The following RPH3A variants were observed in gnomAD, a reference collection of about 807,000 sequenced individuals.
The protein encoded by RPH3A is rabphilin 3A.
In RPH3A, 48 loss-of-function variants were observed where a neutral mutation model predicts 102.2. The ratio of observed to expected loss-of-function variants is 0.47; its 90% CI spans 0.37 to 0.60. RPH3A has a LOEUF of 0.60. Among genes scored for constraint, RPH3A ranks in the 20% least tolerant of loss-of-function variants. The pLI is 0.00. For missense variants in RPH3A, 781 were observed against 910.1 expected (o/e 0.86, Z 1.83); for synonymous variants, 310 against 324.3 (o/e 0.96, Z 0.47).
intron 1 of RPH3A, among the ~76,000 whole-genome samples, chr12:112,739,677 T>G (rs572834870): frequency 2.0e-5 from 3 of 152,350 alleles, no homozygotes; most frequent in East Asian, 3.9e-4. Context: ...GTCTTGGCCT[T>G]ATTTATCTGT....
intron 1 of RPH3A, among the ~76,000 whole-genome samples, chr12:112,675,327 G>T (rs2040166904): frequency 6.6e-6 from 1 of 152,172 alleles, no homozygotes; most frequent in African/African-American, 2.4e-5. Flanking sequence ...AAGTGCTAGA[G>T]GCTGACTTGC....
chr12:112,629,141 G>T (rs953904362), intron 1 of RPH3A, among the ~76,000 whole-genome samples: 17 of 151,972 alleles, frequency 1.1e-4, no homozygotes, highest in African/African-American at 3.9e-4. Flanking sequence ...ACCAGAAAGG[G>T]ACCTGGAGAC....
At chr12:112,597,678 GC>G (rs2039527744) in intron 1 of RPH3A, among the ~76,000 whole-genome samples, 1 of 152,170 alleles carries the variant, frequency 6.6e-6, no homozygotes, top group African/African-American at 2.4e-5. Context: ...ACTTTGGGGA[GC>G]CCAGAAACTT....
At chr12:112,819,089 T>TA (rs1395671986) in intron 2 of RPH3A, among the ~76,000 whole-genome samples, 1 of 151,948 alleles carries the variant, frequency 6.6e-6, no homozygotes, top group Non-Finnish European at 1.5e-5. Context: ...ATATTTGAGA[T>TA]ATATATATGT....
rs149468273 is a variant in RPH3A, at chr12:112,653,641, C to G, written c.-140+78322C>G. Among the ~76,000 whole-genome samples, 351 of 151,826 alleles carry G rather than the reference C, an allele frequency of 2.3e-3. 1 individual carries two copies. In the South Asian group the frequency reaches 0.028, roughly 12 times the overall value. On this transcript the variant is annotated intron_variant, in intron 1 of 21. Transcript: ENST00000543106. ...TTTTACTTTATATACTTAAAAAAAC[C>G]CTTTTATTTTAGGTTCGGAGGTACA...
intron 2 of RPH3A, among the ~76,000 whole-genome samples, chr12:112,793,437 C>T (rs2041164364): frequency 6.6e-6 from 1 of 152,200 alleles, no homozygotes; most frequent in Non-Finnish European, 1.5e-5. Context: ...ATTGGCAAGC[C>T]TGAAATATAA....
intron 2 of RPH3A, among the ~76,000 whole-genome samples, chr12:112,816,709 T>TATTATC (rs1213664748): frequency 6.6e-6 from 1 of 152,122 alleles, no homozygotes; most frequent in East Asian, 1.9e-4. Context: ...TTATTATTAT[T>TATTATC]ATTAGTGTAT....
chr12:112,741,820 A>G (rs868512340), intron 1 of RPH3A, among the ~76,000 whole-genome samples: 1 of 152,190 alleles, frequency 6.6e-6, no homozygotes, highest in Admixed American at 6.5e-5. Context: ...TCCTTAAAAG[A>G]TAAGTGACCC....
At chr12:112,865,699 C>A in intron 6 of RPH3A, 156 bp downstream of exon 6, 1 of 727,692 alleles carries the variant, frequency 1.4e-6, no homozygotes. Flanking sequence ...GCTTCCATGC[C>A]CTACTGTCTT....
chr12:112,647,165 GT>G (rs988199781), intron 1 of RPH3A, among the ~76,000 whole-genome samples: 1 of 151,958 alleles, frequency 6.6e-6, no homozygotes, highest in South Asian at 2.1e-4. Context: ...CCCTTGGCCT[GT>G]TTTTTTTGAA....
At chr12:112,854,379 T>C (rs149826188) in intron 5 of RPH3A, among the ~76,000 whole-genome samples, 48 of 152,390 alleles carry the variant, frequency 3.1e-4, no homozygotes, top group Non-Finnish European at 4.7e-4. Context: ...GGACAACTCT[T>C]ATTGGCATCA....
At chr12:112,840,347 C>A (rs1347176638) in intron 4 of RPH3A, among the ~76,000 whole-genome samples, 1 of 152,096 alleles carries the variant, frequency 6.6e-6, no homozygotes, top group Non-Finnish European at 1.5e-5. Flanking sequence ...TTCTAATCTT[C>A]TAGTTATTTT....
upstream of RPH3A, among the ~76,000 whole-genome samples, chr12:112,788,677 A>T (rs1269696035): frequency 6.6e-6 from 1 of 152,216 alleles, no homozygotes; most frequent in Non-Finnish European, 1.5e-5. Context: ...AGCTATTGTC[A>T]TTCCCTAAGG....
chr12:112,808,808 A>G (rs547846154), intron 2 of RPH3A, among the ~76,000 whole-genome samples: 1 of 152,248 alleles, frequency 6.6e-6, no homozygotes, highest in East Asian at 1.9e-4. Context: ...AGCGGGTATG[A>G]ATTTGTGCCT....
intron 1 of RPH3A, among the ~76,000 whole-genome samples, chr12:112,725,251 A>G (rs1227764440): frequency 2.1e-4 from 3 of 14,034 alleles, no homozygotes; most frequent in Non-Finnish European, 3.3e-4. Context: ...TTTGTCTCAG[A>G]AAAAAAAAAA....
intron 1 of RPH3A, among the ~76,000 whole-genome samples, chr12:112,712,925 C>CTCTTATTCTTCTTCTTCT (rs59408440): frequency 1.1e-5 from 1 of 94,528 alleles, no homozygotes; most frequent in East Asian, 2.9e-4. Context: ...CTTCTTCTTC[C>CTCTTATTCTTCTTCTTCT]TCTTCTTCTT....
chr12:112,679,974 G>A (rs1342405476), intron 1 of RPH3A, among the ~76,000 whole-genome samples: 1 of 152,216 alleles, frequency 6.6e-6, no homozygotes, highest in African/African-American at 2.4e-5. Flanking sequence ...CTGAGATGGG[G>A]CATTTTAGCC....
rs1010211639 is a variant in RPH3A, at chr12:112,676,604, G to A, written c.-140+101285G>A. 4.6e-5 allele frequency among the ~76,000 whole-genome samples: 7 copies of A among 152,176 alleles called. No homozygotes were observed. The South Asian group carries it at 1.0e-3, about 22-fold the overall frequency. ...AAATGCCACTTCATTCCCTTTTGTC[G>A]GCTCCCAGGAGCTCTCTGGAGGAAA... On this transcript the variant is annotated intron_variant, in intron 1 of 21. Coordinates refer to the RPH3A transcript ENST00000543106.
At chr12:112,739,287 G>T (rs141672517) in intron 1 of RPH3A, among the ~76,000 whole-genome samples, 1 of 152,312 alleles carries the variant, frequency 6.6e-6, no homozygotes, top group African/African-American at 2.4e-5. Flanking sequence ...TTGAACACCT[G>T]CATGAACTCA....
Sources: allele counts gnomAD v4.1 joint callset (sites outside exome capture counted in the v4.1 genomes callset), GRCh38; gene constraint gnomAD v4.1.1; transcripts MANE v1.5; gene names NCBI Gene and HGNC (gene_info 2026-07-23, HGNC 2026-07-21).